The following KCND2 variants were observed in gnomAD, a reference collection of about 807,000 sequenced individuals.
KCND2 encodes potassium voltage-gated channel subfamily D member 2.
A neutral mutation model predicts 54.4 loss-of-function variants in KCND2; 16 were observed. The ratio of observed to expected loss-of-function variants is 0.29; its 90% confidence interval spans 0.20 to 0.45. The LOEUF is 0.45. Among genes scored for constraint, KCND2 ranks in the 20% least tolerant of loss-of-function variants. The pLI, the probability that KCND2 is intolerant of heterozygous loss-of-function variation, is 1.00. For missense variants in KCND2, 486 were observed against 824.2 expected (o/e 0.59, Z 5.02); for synonymous variants, 317 against 310.7 (o/e 1.02, Z -0.21).
chr7:120,468,846 G>A (rs1802415301), intron 1 of KCND2, among the ~76,000 whole-genome samples: 1 of 152,136 alleles, frequency 6.6e-6, no homozygotes. Flanking sequence ...GATTGCACAG[G>A]ATATAGGCCC....
intron 1 of KCND2, among the ~76,000 whole-genome samples, chr7:120,429,851 A>C (rs1180294099): frequency 6.6e-6 from 1 of 152,202 alleles, no homozygotes; most frequent in Admixed American, 6.5e-5. Context: ...GATTGGAATG[A>C]CGTTTTAAAA....
chr7:120,618,980 A>T (rs1201576938), intron 1 of KCND2, among the ~76,000 whole-genome samples: 1 of 152,156 alleles, frequency 6.6e-6, no homozygotes, highest in African/African-American at 2.4e-5. Flanking sequence ...GGCTATTCAT[A>T]TTAGACATTT....
intron 1 of KCND2, among the ~76,000 whole-genome samples, chr7:120,483,106 T>A (rs1005615451): frequency 6.6e-6 from 1 of 152,184 alleles, no homozygotes; most frequent in African/African-American, 2.4e-5. Flanking sequence ...ATCAATGTCC[T>A]ATAGGGCTTT....
At chr7:120,517,370 A>G (rs1019600978) in intron 1 of KCND2, among the ~76,000 whole-genome samples, 4 of 152,082 alleles carry the variant, frequency 2.6e-5, no homozygotes, top group African/African-American at 9.7e-5. Flanking sequence ...TATTTCTGTA[A>G]CTGTTGTTCA....
At chr7:120,376,156 C>A (rs1012936618) in intron 1 of KCND2, among the ~76,000 whole-genome samples, 4 of 151,622 alleles carry the variant, frequency 2.6e-5, no homozygotes, top group African/African-American at 4.8e-5. Flanking sequence ...TAGTTTGAAA[C>A]TATTAAAGAT....
chr7:120,364,675 A>G (rs2116405476), intron 1 of KCND2, among the ~76,000 whole-genome samples: 1 of 152,126 alleles, frequency 6.6e-6, no homozygotes, highest in South Asian at 2.1e-4. Context: ...AGGAAACATC[A>G]AGGGTAAGGA....
intron 1 of KCND2, among the ~76,000 whole-genome samples, chr7:120,715,919 T>C (rs1184356014): frequency 1.3e-5 from 2 of 152,134 alleles, no homozygotes; most frequent in African/African-American, 4.8e-5. Flanking sequence ...GTTTAACTTG[T>C]ATCAGTACCT....
intron 1 of KCND2, among the ~76,000 whole-genome samples, chr7:120,563,523 T>A (rs2116414345): frequency 6.6e-6 from 1 of 152,256 alleles, no homozygotes; most frequent in Middle Eastern, 3.4e-3. Flanking sequence ...TCAATCTCAA[T>A]CCATTCCACA....
At position 120,501,517 on chromosome 7, in the gene KCND2, C is replaced by T. The variant is rs564511082; in HGVS notation, c.1115+225770C>T. ...CAAGCAGCATTTAAATAAATGCCCT[C>T]TTCCCTTTCAGAGCATCACCTTCAC... is the stretch of plus-strand genomic sequence containing the variant. On this transcript the variant is annotated intron_variant, in intron 1 of 5. Transcript: ENST00000331113. Among the ~76,000 whole-genome samples the T allele has an allele frequency of 2.6e-5, 4 of 152,250 alleles. No individual in the cohort carries two copies. In the South Asian group the frequency reaches 8.3e-4, roughly 32 times the overall value.
chr7:120,568,064 T>G (rs1170870601), intron 1 of KCND2, among the ~76,000 whole-genome samples: 1 of 151,658 alleles, frequency 6.6e-6, no homozygotes, highest in African/African-American at 2.4e-5. Context: ...ATTTCCAATT[T>G]AAAGCATCAA....
chr7:120,581,961 GCCT>G, intron 1 of KCND2, among the ~76,000 whole-genome samples: 1 of 152,062 alleles, frequency 6.6e-6, no homozygotes, highest in South Asian at 2.1e-4. Context: ...TCATCCACCC[GCCT>G]CAGCCTCCCG....
chr7:120,363,204 G>A (rs1366271141), intron 1 of KCND2, among the ~76,000 whole-genome samples: 1 of 152,080 alleles, frequency 6.6e-6, no homozygotes, highest in Non-Finnish European at 1.5e-5. Context: ...GCTGAGGAAA[G>A]AGGGTGACTT....
chr7:120,518,947 CAG>C (rs1021991879), intron 1 of KCND2, among the ~76,000 whole-genome samples: 25 of 152,134 alleles, frequency 1.6e-4, no homozygotes, highest in African/African-American at 5.5e-4. Flanking sequence ...AGAGAGGAAA[CAG>C]AGAGAAAGTA....
At chr7:120,504,737 A>G (rs768033844) in intron 1 of KCND2, among the ~76,000 whole-genome samples, 1 of 151,896 alleles carries the variant, frequency 6.6e-6, no homozygotes, top group South Asian at 2.1e-4. Context: ...TCTGCAAAGT[A>G]TTAATAAGGT....
chr7:120,520,115 T>C (rs1791669066), intron 1 of KCND2, among the ~76,000 whole-genome samples: 1 of 152,106 alleles, frequency 6.6e-6, no homozygotes, highest in Non-Finnish European at 1.5e-5. Context: ...ATACTAGCCA[T>C]ATAACACTGA....
chr7:120,720,582 A>G (rs2116102111), intron 1 of KCND2, among the ~76,000 whole-genome samples: 1 of 152,232 alleles, frequency 6.6e-6, no homozygotes, highest in East Asian at 1.9e-4. Flanking sequence ...CTGGGGAAGG[A>G]GCCAGTGTAT....
At chr7:120,614,082 G>A (rs973952920) in intron 1 of KCND2, among the ~76,000 whole-genome samples, 2 of 150,184 alleles carry the variant, frequency 1.3e-5, no homozygotes, top group African/African-American at 2.5e-5. Context: ...GCACAATCTC[G>A]GCTCACTGCA....
At chr7:120,685,786 A>G (rs550962793) in intron 1 of KCND2, among the ~76,000 whole-genome samples, 3 of 152,358 alleles carry the variant, frequency 2.0e-5, no homozygotes, top group Admixed American at 2.0e-4. Flanking sequence ...ACAAAGACAA[A>G]TTATTTTAGA....
intron 1 of KCND2, among the ~76,000 whole-genome samples, chr7:120,370,636 C>G (rs1191342720): frequency 6.6e-6 from 1 of 151,926 alleles, no homozygotes; most frequent in Non-Finnish European, 1.5e-5. Flanking sequence ...TCAAAACATC[C>G]TGTAAAGGAT....
Sources: gnomAD v4.1 joint callset for allele counts (sites outside exome capture counted in the v4.1 genomes callset) on GRCh38, gnomAD v4.1.1 for gene constraint, MANE v1.5 for transcripts, NCBI Gene and HGNC (gene_info 2026-07-23, HGNC 2026-07-21) for gene names.